The following POR variants were observed in gnomAD, a reference collection of about 807,000 sequenced individuals.
The protein encoded by POR is cytochrome p450 oxidoreductase, also known as NADPH--cytochrome P450 reductase.
POR carries 56 observed loss-of-function variants against 84.0 expected under a neutral mutation model. That is an observed-to-expected ratio of 0.67 (90% CI 0.54 to 0.83). The LOEUF is 0.83. POR is among the 40% of genes least tolerant of loss of function. The pLI, the probability that POR is intolerant of heterozygous loss-of-function variation, is 0.00. For synonymous variants in POR, 414 were observed against 400.5 expected (o/e 1.03, Z -0.40); for missense variants, 938 against 944.3 (o/e 0.99, Z 0.09).
At chr7:75,954,746 C>G (rs1485687386) in intron 2 of POR, among the ~76,000 whole-genome samples, 2 of 142,522 alleles carry the variant, frequency 1.4e-5, no homozygotes, top group East Asian at 4.0e-4. Context: ...CTTGTTCTTT[C>G]AACCAGTCTG....
chr7:75,972,706 ACCCT>A (rs1554556380), intron 3 of POR: 2 of 576,372 alleles, frequency 3.5e-6, no homozygotes, highest in East Asian at 6.0e-5. Context: ...CTAAGAACAG[ACCCT>A]CCCTCTAACT....
In POR at chr7:75,985,612, G is replaced by C. The variant is rs1554559061; in HGVS notation, c.1432G>C (p.Val478Leu). 6.3e-7 allele frequency: 1 copy of C among 1,583,428 alleles called. No individual in the cohort carries two copies. Among genetic ancestry groups the C allele is most frequent in the South Asian group, 1.2e-5 (1 of 86,220 alleles). Residue 478 changes from valine to leucine, a missense_variant, in exon 13 of 16, where the codon GTT becomes CTT. Transcript: ENST00000461988. ...CAACTCTGTGCACATCTGTGCGGTG[G>C]TTGTGGAGTACGAGACCAAGGCTGG... is the stretch of plus-strand genomic sequence containing the variant.
intron 3 of POR, among the ~76,000 whole-genome samples, chr7:75,976,006 G>T (rs1247157656): frequency 4.6e-5 from 7 of 151,882 alleles, no homozygotes; most frequent in African/African-American, 1.7e-4. Context: ...AAATAGAGCT[G>T]CCATTTTTGT....
At chr7:75,926,846 T>G (rs1455144401) in intron 1 of POR, among the ~76,000 whole-genome samples, 1 of 152,134 alleles carries the variant, frequency 6.6e-6, no homozygotes, top group Admixed American at 6.6e-5. Context: ...CAAAGTCTGA[T>G]GAGCACCAGG....
chr7:75,953,296 G>A (rs1272458732), intron 1 of POR, among the ~76,000 whole-genome samples: 2 of 139,186 alleles, frequency 1.4e-5, no homozygotes, highest in Non-Finnish European at 3.1e-5. Context: ...CTGGGCATCA[G>A]AGGGAGACCG....
chr7:75,935,041 T>C (rs1554550625), intron 1 of POR, among the ~76,000 whole-genome samples: 1 of 152,112 alleles, frequency 6.6e-6, no homozygotes, highest in Non-Finnish European at 1.5e-5. Flanking sequence ...GACCCCGGAA[T>C]GGTAGATCCA....
chr7:75,927,057 A>G (rs761372395), intron 1 of POR, among the ~76,000 whole-genome samples: 2 of 152,178 alleles, frequency 1.3e-5, no homozygotes, highest in East Asian at 3.8e-4. Flanking sequence ...GGGCAGACAG[A>G]TGGTTGATAG....
intron 3 of POR, among the ~76,000 whole-genome samples, chr7:75,978,727 T>C (rs962827738): frequency 2.0e-5 from 3 of 151,782 alleles, no homozygotes; most frequent in African/African-American, 7.3e-5. Context: ...TTTCTCCATA[T>C]TGGTCAGGCT....
intron 2 of POR, among the ~76,000 whole-genome samples, chr7:75,964,038 G>A (rs543009617): frequency 3.4e-5 from 5 of 148,408 alleles, no homozygotes; most frequent in East Asian, 4.0e-4. Context: ...CTTACTCTGT[G>A]GCCCAGGCTG....
chr7:75,979,344 G>A (rs751914229), intron 3 of POR, 107 bp from the exon 4 acceptor site: 2 of 1,351,324 alleles, frequency 1.5e-6, no homozygotes, highest in Non-Finnish European at 1.0e-6. Flanking sequence ...AGGAAGGAAA[G>A]GGGGCGGCCT....
intron 1 of POR, chr7:75,922,956 T>C (rs1806949752): frequency 2.9e-6 from 2 of 680,118 alleles, no homozygotes; most frequent in Admixed American, 2.2e-5. Context: ...ACAAGGTGTG[T>C]CTCAGACGAC....
chr7:75,930,535 T>C (rs1193218209), intron 1 of POR, among the ~76,000 whole-genome samples: 1 of 152,024 alleles, frequency 6.6e-6, no homozygotes, highest in African/African-American at 2.4e-5. Context: ...ATAGAAAACG[T>C]TTATACTGAT....
chr7:75,969,163 C>T (rs1788323937), intron 2 of POR, among the ~76,000 whole-genome samples: 2 of 152,202 alleles, frequency 1.3e-5, no homozygotes, highest in African/African-American at 4.8e-5. Flanking sequence ...CCACCTTGTG[C>T]CATGGATGTC....
At chr7:75,929,150 C>T (rs1563401010) in intron 1 of POR, among the ~76,000 whole-genome samples, 5 of 152,312 alleles carry the variant, frequency 3.3e-5, no homozygotes, top group Admixed American at 2.6e-4. Context: ...TTATTACTGA[C>T]TTGTTCATGT....
intron 4 of POR, 143 bp downstream of exon 4, chr7:75,979,722 G>T: frequency 8.5e-7 from 1 of 1,170,280 alleles, no homozygotes; most frequent in Non-Finnish European, 1.2e-6. Context: ...TCCCGTGAGG[G>T]TCATTGCCAT....
chr7:75,974,188 T>C (rs1266203285), intron 3 of POR, among the ~76,000 whole-genome samples: 1 of 152,194 alleles, frequency 6.6e-6, no homozygotes, highest in Non-Finnish European at 1.5e-5. Context: ...AATGTCACTG[T>C]GAATATGTAG....
intron 7 of POR, 32 bp downstream of exon 7, chr7:75,981,638 C>T: frequency 1.3e-6 from 2 of 1,590,622 alleles, no homozygotes; most frequent in East Asian, 2.2e-5. Flanking sequence ...CGGTGGGTGG[C>T]CTGGGCGGGT....
intron 2 of POR, among the ~76,000 whole-genome samples, chr7:75,961,373 C>T (rs143474077): frequency 6.6e-6 from 1 of 152,134 alleles, no homozygotes; most frequent in African/African-American, 2.4e-5. Flanking sequence ...CTGCACGAGG[C>T]CTGTGCGCTG....
chr7:75,982,354 G>C, intron 8 of POR, 32 bp downstream of exon 8: 1 of 1,541,152 alleles, frequency 6.5e-7, no homozygotes, highest in Non-Finnish European at 8.9e-7. Flanking sequence ...TGGGGCAGAC[G>C]GCTCTATGGC....
Sources: allele counts gnomAD v4.1 joint callset (sites outside exome capture counted in the v4.1 genomes callset), GRCh38; gene constraint gnomAD v4.1.1; transcripts MANE v1.5; gene names NCBI Gene and HGNC (gene_info 2026-07-23, HGNC 2026-07-21).